The following LHFPL3 variants were observed in gnomAD, a reference collection of about 807,000 sequenced individuals.
LHFPL3 encodes the protein LHFPL tetraspan subfamily member 3 protein.
LHFPL3 carries 5 observed loss-of-function variants against 19.3 expected under a neutral mutation model. That is an observed-to-expected ratio of 0.26 (90% CI 0.14 to 0.54). LHFPL3 has a LOEUF of 0.54. LHFPL3 is among the 20% of genes least tolerant of loss of function. LHFPL3 has a pLI of 0.94. For missense variants in LHFPL3, 249 were observed against 307.4 expected (o/e 0.81, Z 1.42); for synonymous variants, 133 against 126.2 (o/e 1.05, Z -0.36).
At chr7:104,558,011 T>C (rs1244332028) in intron 1 of LHFPL3, among the ~76,000 whole-genome samples, 2 of 150,596 alleles carry the variant, frequency 1.3e-5, no homozygotes, top group East Asian at 1.9e-4. Flanking sequence ...CATGAACTCA[T>C]CATTTTTTAT....
chr7:104,375,618 T>C (rs963006445), intron 1 of LHFPL3, among the ~76,000 whole-genome samples: 1 of 152,226 alleles, frequency 6.6e-6, no homozygotes, highest in African/African-American at 2.4e-5. Flanking sequence ...AAATTTCTTA[T>C]TGGCTAAGAA....
chr7:104,642,226 C>T (rs1791850487), intron 1 of LHFPL3, among the ~76,000 whole-genome samples: 1 of 151,798 alleles, frequency 6.6e-6, no homozygotes, highest in Admixed American at 6.6e-5. Context: ...TTAGTAGAGA[C>T]AGGGTTTCAG....
chr7:104,596,093 T>C (rs1790852390), intron 1 of LHFPL3, among the ~76,000 whole-genome samples: 1 of 152,234 alleles, frequency 6.6e-6, no homozygotes, highest in African/African-American at 2.4e-5. Flanking sequence ...CCCAGTGAGA[T>C]GAACCAGGTA....
chr7:104,558,441 AT>A (rs1408421016), intron 1 of LHFPL3, among the ~76,000 whole-genome samples: 1 of 151,736 alleles, frequency 6.6e-6, no homozygotes, highest in Non-Finnish European at 1.5e-5. Context: ...GATGATGAGC[AT>A]TTTTTCATGT....
At chr7:104,694,266 C>T (rs1419659177) in intron 1 of LHFPL3, among the ~76,000 whole-genome samples, 1 of 152,152 alleles carries the variant, frequency 6.6e-6, no homozygotes, top group African/African-American at 2.4e-5. Context: ...TTACCAGATA[C>T]ACAGTATGTT....
At chr7:104,746,642 C>G (rs182042466) in intron 2 of LHFPL3, among the ~76,000 whole-genome samples, 6 of 152,262 alleles carry the variant, frequency 3.9e-5, no homozygotes, top group South Asian at 2.1e-4. Context: ...TCTCTGCCAG[C>G]CTTGGGAAAC....
At chr7:104,393,496 T>C (rs1791120102) in intron 1 of LHFPL3, among the ~76,000 whole-genome samples, 1 of 152,056 alleles carries the variant, frequency 6.6e-6, no homozygotes, top group African/African-American at 2.4e-5. Context: ...GGTGGGAGGA[T>C]CACGAGGTCA....
chr7:104,415,368 A>G (rs1474906755), intron 1 of LHFPL3, among the ~76,000 whole-genome samples: 1 of 152,206 alleles, frequency 6.6e-6, no homozygotes, highest in Non-Finnish European at 1.5e-5. Flanking sequence ...AAAAAGTGTT[A>G]CATGAATCCC....
intron 2 of LHFPL3, among the ~76,000 whole-genome samples, chr7:104,898,533 C>T (rs1238100107): frequency 6.6e-6 from 1 of 152,148 alleles, no homozygotes; most frequent in African/African-American, 2.4e-5. Context: ...CAACTGGAAG[C>T]AAGGCACCTC....
intron 2 of LHFPL3, among the ~76,000 whole-genome samples, chr7:104,756,417 C>G (rs1562984120): frequency 6.6e-6 from 1 of 152,148 alleles, no homozygotes; most frequent in Non-Finnish European, 1.5e-5. Flanking sequence ...TTAGACAAAT[C>G]TTTTCTCCTA....
chr7:104,478,219 C>T (rs1424323089), intron 1 of LHFPL3, among the ~76,000 whole-genome samples: 5 of 151,876 alleles, frequency 3.3e-5, no homozygotes, highest in African/African-American at 7.3e-5. Context: ...TATGAGTCTC[C>T]GTTGTTTTAA....
At chr7:104,877,173 G>A (rs1232935010) in intron 2 of LHFPL3, among the ~76,000 whole-genome samples, 2 of 152,122 alleles carry the variant, frequency 1.3e-5, no homozygotes, top group East Asian at 3.8e-4. Context: ...TATACCTAAT[G>A]TTAAATGACG....
intron 2 of LHFPL3, among the ~76,000 whole-genome samples, chr7:104,801,913 T>C (rs987232470): frequency 3.3e-5 from 5 of 152,290 alleles, no homozygotes; most frequent in African/African-American, 9.6e-5. Context: ...TCTCTTACCA[T>C]TGGGTTAAGA....
intron 2 of LHFPL3, among the ~76,000 whole-genome samples, chr7:104,740,099 C>T (rs1269454311): frequency 6.6e-6 from 1 of 152,102 alleles, no homozygotes. Flanking sequence ...GCATTTCCCC[C>T]GCTGGCACTT....
chr7:104,771,291 A>T (rs147579503), intron 2 of LHFPL3, among the ~76,000 whole-genome samples: 1 of 152,272 alleles, frequency 6.6e-6, no homozygotes, highest in Non-Finnish European at 1.5e-5. Context: ...TTGTTCAGAT[A>T]TGTGTTTCAT....
At position 104,752,699 on chromosome 7, in the gene LHFPL3, G is replaced by A. The variant is rs867596078; in HGVS notation, c.682+15788G>A. 214 of 389,562 alleles carry A rather than the reference G, an allele frequency of 5.5e-4. 1 individual carries two copies. The Middle Eastern group carries it at 5.7e-3, about 10-fold the overall frequency. 24.1% of individuals were successfully genotyped at this position (389,562 alleles called of 1,614,324 possible). A position where few individuals can be genotyped will look rare whatever the true frequency, so the allele number is the denominator to read the frequency against. ...CCCCATTATCACCCTAGCTTCTTCCGAGCGCACAAGCTTACCGTAAGGCTG... is the reference window on the plus strand; with the variant it reads ...CCCCATTATCACCCTAGCTTCTTCCAAGCGCACAAGCTTACCGTAAGGCTG... On this transcript the variant is annotated intron_variant, in intron 2 of 2. Coordinates refer to ENST00000424859, the MANE Select transcript of LHFPL3 (RefSeq NM_199000.3).
chr7:104,566,503 C>A (rs1221157304), intron 1 of LHFPL3, among the ~76,000 whole-genome samples: 1 of 152,040 alleles, frequency 6.6e-6, no homozygotes, highest in African/African-American at 2.4e-5. Context: ...GCATCCAGGG[C>A]TTTTTTAATA....
At chr7:104,779,491 C>T (rs2116419171) in intron 2 of LHFPL3, among the ~76,000 whole-genome samples, 1 of 152,188 alleles carries the variant, frequency 6.6e-6, no homozygotes, top group East Asian at 1.9e-4. Context: ...CTGTGACGCC[C>T]AGGATGCCTC....
chr7:104,893,721 G>T (rs1792298027), intron 2 of LHFPL3, among the ~76,000 whole-genome samples: 2 of 152,092 alleles, frequency 1.3e-5, no homozygotes, highest in Admixed American at 1.3e-4. Context: ...GGAGACCAAG[G>T]CAGGTGGATC....
Sources: gnomAD v4.1 joint callset for allele counts (sites outside exome capture counted in the v4.1 genomes callset) on GRCh38, gnomAD v4.1.1 for gene constraint, MANE v1.5 for transcripts, NCBI Gene and HGNC (gene_info 2026-07-23, HGNC 2026-07-21) for gene names.